Variants in EPB41L4A observed in about 807,000 individuals in gnomAD.
The protein encoded by EPB41L4A is erythrocyte membrane protein band 4.1 like 4A, also known as band 4.1-like protein 4A.
A neutral mutation model predicts 108.6 loss-of-function variants in EPB41L4A; 100 were observed. The ratio of observed to expected loss-of-function variants is 0.92; its 90% CI spans 0.78 to 1.09. EPB41L4A has a LOEUF of 1.09. Ranked by LOEUF, EPB41L4A falls within the 50% of genes least tolerant of loss-of-function variation. The probability of loss-of-function intolerance (pLI) is 0.00; values close to 1 mark genes in which losing one functional copy is unlikely to be tolerated. For synonymous variants in EPB41L4A, 319 were observed against 289.0 expected (o/e 1.10, Z -1.05); for missense variants, 1,030 against 842.7 (o/e 1.22, Z -2.75).
intron 12 of EPB41L4A, among the ~76,000 whole-genome samples, chr5:112,156,495 C>A (rs1288079790): frequency 6.6e-6 from 1 of 152,058 alleles, no homozygotes; most frequent in East Asian, 1.9e-4. Context: ...CTTTCTTTAT[C>A]CCGTTTTTTG....
intron 1 of EPB41L4A, among the ~76,000 whole-genome samples, chr5:112,375,473 C>G (rs560100906): frequency 4.6e-5 from 7 of 151,636 alleles, no homozygotes; most frequent in African/African-American, 1.7e-4. Context: ...ACACCAAGAA[C>G]CAGGAAAATC....
intron 2 of EPB41L4A, among the ~76,000 whole-genome samples, chr5:112,299,304 C>CTGT: frequency 6.6e-6 from 1 of 152,166 alleles, no homozygotes; most frequent in African/African-American, 2.4e-5. Flanking sequence ...TTCCTCTTAG[C>CTGT]ACTGCCTTTG....
intron 1 of EPB41L4A, among the ~76,000 whole-genome samples, chr5:112,393,366 AG>A (rs1761087429): frequency 6.6e-6 from 1 of 152,190 alleles, no homozygotes; most frequent in Admixed American, 6.5e-5. Context: ...AGAAGAAAAG[AG>A]AGAAGAATCA....
Position 112,165,029 on chromosome 5 carries a change from T to C in EPB41L4A, c.2022A>G (p.Ile674Met), listed in dbSNP as rs371801383. Residue 674 changes from isoleucine (I) to methionine (M), a missense_variant, in exon 23 of 23, where the codon ATA becomes ATG. Transcript: ENST00000261486. ...NLAGKHTAKT[I>M]KTIQASRLKT... ...TGAGGCGGGAAGCTTGTATAGTTTT[T>C]ATTGTTTTTGCTGTGTGTTTTCCAG... 6 of 1,613,922 alleles carry C rather than the reference T, an allele frequency of 3.7e-6. No homozygotes were observed.
intron 2 of EPB41L4A, among the ~76,000 whole-genome samples, chr5:112,296,611 AT>A (rs1317320335): frequency 6.6e-6 from 1 of 152,056 alleles, no homozygotes. Context: ...ATGTTTAATA[AT>A]TTTTTTCCAT....
At chr5:112,209,089 A>G (rs1228258194) in intron 13 of EPB41L4A, among the ~76,000 whole-genome samples, 1 of 152,246 alleles carries the variant, frequency 6.6e-6, no homozygotes, top group African/African-American at 2.4e-5. Flanking sequence ...AGTAGCCACA[A>G]TACAGCTGAA....
In EPB41L4A at chr5:112,234,638, T is replaced by C. The variant is rs1186354423; in HGVS notation, c.1083A>G (p.Pro361=). 7 of 1,612,806 alleles carry C rather than the reference T, an allele frequency of 4.3e-6. No individual in the cohort carries two copies. The highest frequency in any genetic ancestry group is 2.7e-5 in the African/African-American group (2 of 74,924). Residue 361 remains proline, a synonymous_variant, in exon 12 of 23, where the codon CCA becomes CCG. Transcript: ENST00000261486. ...CTCAGGGGAACCATGACTTACCAGCTGGCTGTGTTTGTGCTATTCGCTTAG... is the reference window on the plus strand; with the variant it reads ...CTCAGGGGAACCATGACTTACCAGCCGGCTGTGTTTGTGCTATTCGCTTAG... The part of the protein sequence containing the change: ...TYPKRIAQTQ[P]AESNSISRIT...
chr5:112,282,906 ATTTTG>A (rs1753060227), intron 2 of EPB41L4A, among the ~76,000 whole-genome samples: 1 of 151,954 alleles, frequency 6.6e-6, no homozygotes, highest in East Asian at 1.9e-4. Flanking sequence ...TTTTTGATTC[ATTTTG>A]TTTTGTTTTG....
intron 7 of EPB41L4A, 77 bp from the exon 8 acceptor site, chr5:112,260,056 TA>T: frequency 2.9e-6 from 3 of 1,052,578 alleles, no homozygotes; most frequent in Non-Finnish European, 4.4e-6. Context: ...ACCATACAAA[TA>T]TAATTTGTTA....
At chr5:112,146,433 C>T (rs1325903398) in intron 12 of EPB41L4A, among the ~76,000 whole-genome samples, 1 of 152,162 alleles carries the variant, frequency 6.6e-6, no homozygotes, top group Non-Finnish European at 1.5e-5. Flanking sequence ...TTCTGTGTCC[C>T]ACAGGAGCAG....
intron 1 of EPB41L4A, among the ~76,000 whole-genome samples, chr5:112,314,253 C>T (rs139379377): frequency 6.6e-6 from 1 of 151,894 alleles, no homozygotes; most frequent in Non-Finnish European, 1.5e-5. Context: ...AAGCTATGCA[C>T]CCCCATTCCT....
chr5:112,335,578 C>T (rs1460265511), intron 1 of EPB41L4A, among the ~76,000 whole-genome samples: 8 of 152,152 alleles, frequency 5.3e-5, no homozygotes, highest in African/African-American at 1.9e-4. Context: ...ACGACTAGAA[C>T]AGGATTTCTG....
At chr5:112,152,989 C>T (rs1452296731) in intron 12 of EPB41L4A, among the ~76,000 whole-genome samples, 1 of 151,994 alleles carries the variant, frequency 6.6e-6, no homozygotes, top group Non-Finnish European at 1.5e-5. Flanking sequence ...GAGGCTAAGG[C>T]GGGTGGATAG....
intron 1 of EPB41L4A, among the ~76,000 whole-genome samples, chr5:112,378,298 C>A (rs920453023): frequency 6.6e-6 from 1 of 152,114 alleles, no homozygotes; most frequent in African/African-American, 2.4e-5. Context: ...ATATAGCTTG[C>A]AAAATTTTAG....
intron 1 of EPB41L4A, among the ~76,000 whole-genome samples, chr5:112,393,350 T>TAA (rs1218647257): frequency 6.6e-6 from 1 of 151,752 alleles, no homozygotes; most frequent in Non-Finnish European, 1.5e-5. Context: ...CTAGCAAGAC[T>TAA]AATAAAGAAG....
Position 112,168,702 on chromosome 5 carries a change from C to A in EPB41L4A, c.1932+37G>T, listed in dbSNP as rs768050533. The A allele has an allele frequency of 4.1e-5, 63 of 1,542,352 alleles. 1 individual carries two copies. The highest frequency in any genetic ancestry group is 9.0e-7 in the Non-Finnish European group (1 of 1,116,716). On this transcript the variant is annotated intron_variant, in intron 22 of 22. Coordinates refer to ENST00000261486, the MANE Select transcript of EPB41L4A (RefSeq NM_022140.5). ...ACAAAATGCTTCTCAAAATTGTCAT[C>A]AATACAACACCTTCTTCAAACCTTA...
chr5:112,207,181 A>G (rs1762515199), intron 13 of EPB41L4A: 2 of 152,226 alleles, frequency 1.3e-5, no homozygotes, highest in Admixed American at 1.3e-4. Flanking sequence ...AGAACAAGCA[A>G]TGGGGAAAGG....
chr5:112,375,838 G>T (rs1759785555), intron 1 of EPB41L4A, among the ~76,000 whole-genome samples: 1 of 152,122 alleles, frequency 6.6e-6, no homozygotes, highest in South Asian at 2.1e-4. Flanking sequence ...GATCTAAACT[G>T]ACTTCACGAA....
intron 2 of EPB41L4A, among the ~76,000 whole-genome samples, chr5:112,306,601 G>T (rs896129840): frequency 6.6e-6 from 1 of 152,128 alleles, no homozygotes; most frequent in Non-Finnish European, 1.5e-5. Flanking sequence ...AGTTGAGTAG[G>T]ATGAAAAATA....
Sources: gnomAD v4.1 joint callset for allele counts (sites outside exome capture counted in the v4.1 genomes callset) on GRCh38, gnomAD v4.1.1 for gene constraint, MANE v1.5 for transcripts, NCBI Gene and HGNC (gene_info 2026-07-23, HGNC 2026-07-21) for gene names.